The following ARK2C variants were observed in gnomAD, a reference collection of about 807,000 sequenced individuals.
ARK2C encodes E3 ubiquitin-protein ligase ARK2C.
chr18:46,340,039 C>T, the ARK2C span, among the ~76,000 whole-genome samples: 14,304 of 152,204 alleles, frequency 0.094, 2,120 homozygotes, highest in African/African-American at 0.32. Flanking sequence ...GGTCCTTGAC[C>T]CTGATTCAGG....
chr18:46,370,797 G>A, the ARK2C span, among the ~76,000 whole-genome samples: 8 of 152,276 alleles, frequency 5.3e-5, no homozygotes, highest in Non-Finnish European at 1.0e-4. Flanking sequence ...GGCCATCCCA[G>A]AGAGATTTGG....
chr18:46,377,451 C>A, the ARK2C span, among the ~76,000 whole-genome samples: 3,464 of 152,180 alleles, frequency 0.023, 140 homozygotes, highest in African/African-American at 0.08. Flanking sequence ...TGGAGCATCC[C>A]GAGAACCCAC....
the ARK2C span, among the ~76,000 whole-genome samples, chr18:46,446,397 G>A: frequency 6.6e-6 from 1 of 152,154 alleles, no homozygotes; most frequent in Admixed American, 6.5e-5. Flanking sequence ...TTGGCTGGGT[G>A]TGGTGGCTCA....
At chr18:46,410,574 G>T in the ARK2C span, among the ~76,000 whole-genome samples, 3 of 152,232 alleles carry the variant, frequency 2.0e-5, no homozygotes, top group African/African-American at 4.8e-5. Context: ...TTCGTCCCAG[G>T]AAGATGCTGG....
the ARK2C span, chr18:46,433,252 C>T: frequency 6.2e-7 from 1 of 1,608,620 alleles, no homozygotes; most frequent in Non-Finnish European, 8.5e-7. Context: ...CCACCTGGGC[C>T]CCCCGCAGCC....
At chr18:46,370,890 C>A in the ARK2C span, among the ~76,000 whole-genome samples, 4 of 152,108 alleles carry the variant, frequency 2.6e-5, no homozygotes, top group South Asian at 2.1e-4. Flanking sequence ...ATCAGGTACA[C>A]GAAAAGGAGG....
At chr18:46,412,470 C>A in the ARK2C span, among the ~76,000 whole-genome samples, 1 of 152,244 alleles carries the variant, frequency 6.6e-6, no homozygotes, top group Non-Finnish European at 1.5e-5. Context: ...AGAAAGCAGC[C>A]ACCCTCCTGC....
the ARK2C span, among the ~76,000 whole-genome samples, chr18:46,365,580 T>A: frequency 6.4e-4 from 97 of 152,322 alleles, no homozygotes; most frequent in Middle Eastern, 3.4e-3. Flanking sequence ...CTTGGCTCAC[T>A]GCAACTTCTG....
chr18:46,456,793 G>A, the ARK2C span: 1 of 638,002 alleles, frequency 1.6e-6, no homozygotes, highest in Non-Finnish European at 2.8e-6. Flanking sequence ...CGGTGTCGAG[G>A]GAGAGGAGGG....
the ARK2C span, chr18:46,433,395 G>C: frequency 6.2e-7 from 1 of 1,613,458 alleles, no homozygotes. Flanking sequence ...CCACCCTGCA[G>C]TTCCAGGACG....
the ARK2C span, among the ~76,000 whole-genome samples, chr18:46,366,883 G>A: frequency 6.6e-6 from 1 of 152,192 alleles, no homozygotes; most frequent in South Asian, 2.1e-4. Flanking sequence ...GTCTTGGAGA[G>A]CAAAAATCCA....
chr18:46,373,415 G>A, the ARK2C span, among the ~76,000 whole-genome samples: 7 of 152,238 alleles, frequency 4.6e-5, no homozygotes, highest in Non-Finnish European at 8.8e-5. Flanking sequence ...CCAGCAAGTC[G>A]TGGGCTCTCT....
chr18:46,383,302 A>T, the ARK2C span, among the ~76,000 whole-genome samples: 1 of 152,244 alleles, frequency 6.6e-6, no homozygotes, highest in Non-Finnish European at 1.5e-5. Context: ...ATTTTTCTAC[A>T]AATATCTAGT....
chr18:46,443,399 C>A, the ARK2C span, among the ~76,000 whole-genome samples: 1 of 152,080 alleles, frequency 6.6e-6, no homozygotes, highest in Non-Finnish European at 1.5e-5. Context: ...AGAATTATAC[C>A]ATTTTGTGTG....
the ARK2C span, chr18:46,433,535 C>A: frequency 6.4e-7 from 1 of 1,560,808 alleles, no homozygotes; most frequent in Non-Finnish European, 8.7e-7. Flanking sequence ...GAGGTGGGGA[C>A]CCGGATGGGG....
chr18:46,375,014 G>A, the ARK2C span, among the ~76,000 whole-genome samples: 4 of 152,266 alleles, frequency 2.6e-5, no homozygotes, highest in South Asian at 8.3e-4. Flanking sequence ...CCAGGCCCTT[G>A]TAATAGGTGG....
chr18:46,448,933 T>G, the ARK2C span, among the ~76,000 whole-genome samples: 3 of 152,206 alleles, frequency 2.0e-5, no homozygotes, highest in African/African-American at 7.2e-5. Flanking sequence ...GTCTCCTTAT[T>G]TGTATAATAA....
chr18:46,456,678 T>TC, the ARK2C span: 21 of 1,402,208 alleles, frequency 1.5e-5, no homozygotes, highest in Non-Finnish European at 2.0e-5. Context: ...CTTCACCAGG[T>TC]CCCCCCACGG....
At chr18:46,458,024 G>A in the ARK2C span, 4 of 152,492 alleles carry the variant, frequency 2.6e-5, no homozygotes, top group Non-Finnish European at 5.9e-5. Context: ...TTCTTTCTCT[G>A]TGCCTCAGTT....
Sources: allele counts gnomAD v4.1 joint callset (sites outside exome capture counted in the v4.1 genomes callset), GRCh38; gene constraint gnomAD v4.1.1; transcripts MANE v1.5; gene names NCBI Gene and HGNC (gene_info 2026-07-23, HGNC 2026-07-21).